MIA2: variants seen among roughly 807,000 people sequenced by gnomAD.
MIA2 encodes MIA SH3 domain ER export factor 2.
A neutral mutation model predicts 167.8 loss-of-function variants in MIA2; 127 were observed. The observed-to-expected ratio is 0.76, with a 90% CI of 0.66 to 0.88. The LOEUF is 0.88. MIA2 is among the 40% of genes least tolerant of loss of function. MIA2 has a pLI of 0.00. For synonymous variants in MIA2, 552 were observed against 541.9 expected, an observed-to-expected ratio of 1.02 and a Z score of -0.26; for missense variants, 1,690 against 1,624.7, an observed-to-expected ratio of 1.04 and a Z score of -0.69.
intron 17 of MIA2, among the ~76,000 whole-genome samples, chr14:39,307,715 T>G (rs11626679): frequency 0.27 from 41,105 of 151,828 alleles, 5,750 homozygotes; most frequent in East Asian, 0.5. Flanking sequence ...TTAAAACAAT[T>G]TATATAGCTC....
At chr14:39,267,242 T>G (rs1594778225) in intron 6 of MIA2, 1 of 1,385,092 alleles carries the variant, frequency 7.2e-7, no homozygotes, top group South Asian at 1.6e-5. Context: ...CCTCGGGATG[T>G]AAAGTATAAC....
intron 24 of MIA2, among the ~76,000 whole-genome samples, chr14:39,324,927 G>GA (rs977091935): frequency 4.0e-5 from 6 of 151,694 alleles, no homozygotes; most frequent in African/African-American, 1.5e-4. Context: ...GGCTTCTATT[G>GA]AAAAAAAATT....
At chr14:39,368,399 AT>A (rs1451603777) in intron 23 of MIA2, among the ~76,000 whole-genome samples, 2 of 152,178 alleles carry the variant, frequency 1.3e-5, no homozygotes, top group African/African-American at 4.8e-5. Context: ...GAATGGCTCT[AT>A]TCTGGTTCCC....
intron 23 of MIA2, among the ~76,000 whole-genome samples, chr14:39,367,223 T>A (rs1211511459): frequency 6.6e-6 from 1 of 151,952 alleles, no homozygotes; most frequent in Non-Finnish European, 1.5e-5. Flanking sequence ...TGTGCTAGAG[T>A]GTTGGCGACC....
chr14:39,312,656 T>C (rs1242381038), intron 18 of MIA2, among the ~76,000 whole-genome samples: 1 of 151,316 alleles, frequency 6.6e-6, no homozygotes, highest in Non-Finnish European at 1.5e-5. Context: ...CTCTAGGCTT[T>C]GGTTTAATTA....
chr14:39,354,457 A>G (rs908795657), downstream of MIA2, among the ~76,000 whole-genome samples: 3 of 152,146 alleles, frequency 2.0e-5, no homozygotes, highest in African/African-American at 4.8e-5. Context: ...GATTCTGGAT[A>G]TTAGTCCTTG....
chr14:39,349,597 TCCTTC>T (rs1223400316), intron 28 of MIA2, among the ~76,000 whole-genome samples: 1 of 152,234 alleles, frequency 6.6e-6, no homozygotes, highest in Admixed American at 6.5e-5. Flanking sequence ...ATATAGTCTT[TCCTTC>T]CCTTGTTTCT....
At position 39,326,915 on chromosome 14, in the gene MIA2, G is replaced by A; in HGVS notation, c.3548G>A (p.Gly1183Glu). 1 of 1,596,698 alleles carries A rather than the reference G, an allele frequency of 6.3e-7. No individual in the cohort carries two copies. The highest frequency in any genetic ancestry group is 8.5e-7 in the Non-Finnish European group (1 of 1,172,802). ...GACCATCAGATTACCAATGAAAGAG[G>A]AGAATCAAGCTGTGATAGGTTAACC... ...PLDHQITNERGESSCDRLTDP... is the reference protein window; with the variant it reads ...PLDHQITNEREESSCDRLTDP... The change falls in exon 25 of 29, where the codon GGA (glycine) becomes GAA (glutamate). Residue 1183 changes from glycine to glutamate, a missense_variant. By Grantham distance (98) the Gly-to-Glu change is moderately conservative. Coordinates refer to ENST00000640607, the MANE Select transcript of MIA2 (RefSeq NM_001329214.4).
chr14:39,373,591 G>T lies in MIA2; in HGVS notation c.2249-13294G>T, dbSNP rs533219510. ...AATCCCAGCACTTTGGGAGGCCAAG[G>T]TGGTGGATCACCTGAGGTCAGGAGT... On this transcript the variant is annotated intron_variant, in intron 23 of 23. Coordinates refer to the MIA2 transcript ENST00000341502. Among the ~76,000 whole-genome samples the T allele has an allele frequency of 1.1e-4, 16 of 152,190 alleles. No individual in the cohort carries two copies. In the East Asian group the frequency reaches 3.1e-3, roughly 29 times the overall value.
chr14:39,326,918 A>G lies in MIA2; in HGVS notation c.3551A>G (p.Glu1184Gly). The G allele has an allele frequency of 1.3e-6, 2 of 1,596,804 alleles. No individual in the cohort carries two copies. Among genetic ancestry groups the G allele is most frequent in the Non-Finnish European group, 1.7e-6 (2 of 1,172,862 alleles). Residue 1184 changes from glutamate to glycine, a missense_variant, in exon 25 of 29, where the codon GAA becomes GGA. Physicochemically the swap from Glu to Gly is moderately conservative, Grantham distance 98. Transcript: ENST00000640607. ...CATCAGATTACCAATGAAAGAGGAGAATCAAGCTGTGATAGGTTAACCGAT... is the reference window on the plus strand; with the variant it reads ...CATCAGATTACCAATGAAAGAGGAGGATCAAGCTGTGATAGGTTAACCGAT... ...LDHQITNERGESSCDRLTDPH... is the reference protein window; with the variant it reads ...LDHQITNERGGSSCDRLTDPH...
chr14:39,235,839 T>C (rs919947634), intron 1 of MIA2, among the ~76,000 whole-genome samples: 2 of 152,316 alleles, frequency 1.3e-5, no homozygotes, highest in Admixed American at 1.3e-4. Context: ...AACTTCATTT[T>C]AGTTTCCTTA....
chr14:39,253,547 C>T, intron 6 of MIA2: 1 of 231,110 alleles, frequency 4.3e-6, no homozygotes, highest in Non-Finnish European at 8.3e-6. Context: ...CAGGAGGATC[C>T]TTTTACTGAA....
intron 3 of MIA2, among the ~76,000 whole-genome samples, chr14:39,241,942 C>G (rs1397627868): frequency 6.6e-6 from 1 of 152,136 alleles, no homozygotes; most frequent in Non-Finnish European, 1.5e-5. Context: ...GGCTCTTTCC[C>G]AGCCTGGGGA....
intron 24 of MIA2, among the ~76,000 whole-genome samples, chr14:39,321,636 C>A (rs1296250114): frequency 6.6e-6 from 1 of 151,786 alleles, no homozygotes; most frequent in Non-Finnish European, 1.5e-5. Flanking sequence ...TCTTTTTAAA[C>A]CATATTTTTG....
At chr14:39,343,112 A>C (rs1055866232) in intron 25 of MIA2, among the ~76,000 whole-genome samples, 1 of 152,102 alleles carries the variant, frequency 6.6e-6, no homozygotes, top group Admixed American at 6.6e-5. Context: ...TGGAATTCCT[A>C]GGTAATAGGG....
chr14:39,300,545 A>G (rs994781319), intron 14 of MIA2, among the ~76,000 whole-genome samples: 14 of 151,428 alleles, frequency 9.2e-5, no homozygotes, highest in South Asian at 2.1e-4. Context: ...CTAACGTTCT[A>G]TAATTTACAC....
Position 39,240,202 on chromosome 14 carries a change from G to A in MIA2, c.250-359G>A, listed in dbSNP as rs185615208. Among the ~76,000 whole-genome samples, 16 of 152,274 alleles carry A rather than the reference G, an allele frequency of 1.1e-4. No individual in the cohort carries two copies. In the East Asian group the frequency reaches 1.2e-3, roughly 11 times the overall value. On this transcript the variant is annotated intron_variant, in intron 2 of 28. Transcript: ENST00000640607. ...CACTACTCCATCTAGCTTGGCTACC[G>A]CCGCCATTGCCTTGCCTTTTGATAT...
chr14:39,266,227 T>C, intron 6 of MIA2: 2 of 985,434 alleles, frequency 2.0e-6, no homozygotes, highest in Non-Finnish European at 1.2e-6. Flanking sequence ...GAAGGCAGAA[T>C]ATAATGAGAA....
chr14:39,285,291 T>C (rs2059463958), intron 9 of MIA2, among the ~76,000 whole-genome samples: 1 of 152,006 alleles, frequency 6.6e-6, no homozygotes, highest in Non-Finnish European at 1.5e-5. Context: ...GGGTGGTGGC[T>C]GGGCAGAAGG....
Sources: gnomAD v4.1 joint callset for allele counts (sites outside exome capture counted in the v4.1 genomes callset) on GRCh38, gnomAD v4.1.1 for gene constraint, MANE v1.5 for transcripts, NCBI Gene and HGNC (gene_info 2026-07-23, HGNC 2026-07-21) for gene names.